Variants in DMD observed in about 807,000 individuals in gnomAD.
DMD encodes the protein mutant dystrophin.
A neutral mutation model predicts 330.1 loss-of-function variants in DMD; 63 were observed. The ratio of observed to expected loss-of-function variants is 0.19; its 90% CI spans 0.16 to 0.24. The LOEUF (loss-of-function observed/expected upper bound fraction) is 0.24, where lower values mean the gene tolerates loss of function less well. Ranked by LOEUF, DMD falls within the 10% of genes least tolerant of loss-of-function variation. The probability of loss-of-function intolerance (pLI) is 1.00; values close to 1 mark genes in which losing one functional copy is unlikely to be tolerated. For synonymous variants in DMD, 1,223 were observed against 959.8 expected, an observed-to-expected ratio of 1.27 and a Z score of -5.07; for missense variants, 3,344 against 2,684.1, an observed-to-expected ratio of 1.25 and a Z score of -5.43.
At chrX:32,167,172 A>C (rs777234615) in intron 44 of DMD, among the ~76,000 whole-genome samples, 1 of 112,434 alleles carries the variant, frequency 8.9e-6, no homozygotes, top group East Asian at 2.8e-4. Context: ...ATGTGGTTAC[A>C]TTTCATAGGT....
At chrX:32,512,581 A>G (rs1005777300) in intron 18 of DMD, among the ~76,000 whole-genome samples, 1 of 112,532 alleles carries the variant, frequency 8.9e-6, no homozygotes, top group African/African-American at 3.2e-5. Flanking sequence ...ATTTCTAGAA[A>G]CCAACAATGG....
At position 32,311,548 on chromosome X, in the gene DMD, A is replaced by G. The variant is rs903785077; in HGVS notation, c.5923-1272T>C. Among the ~76,000 whole-genome samples, 3 of 111,726 alleles carry G rather than the reference A, an allele frequency of 2.7e-5. No homozygotes were observed. In the Admixed American group the frequency reaches 2.9e-4, roughly 11 times the overall value. ...ATAGCAAATTCACAGAATTGCACAA[A>G]TTAGCTATTAAATAATTATACCTTT... On this transcript the variant is annotated intron_variant, in intron 41 of 78. Transcript: ENST00000357033.
At chrX:31,672,343 G>A (rs1408319579) in intron 53 of DMD, among the ~76,000 whole-genome samples, 12 of 112,188 alleles carry the variant, frequency 1.1e-4, no homozygotes, top group South Asian at 3.7e-4. Context: ...AGAATATTTC[G>A]TGTACAGTTG....
At chrX:31,271,153 T>G (rs748791658) in intron 62 of DMD, among the ~76,000 whole-genome samples, 1 of 111,433 alleles carries the variant, frequency 9.0e-6, no homozygotes, top group African/African-American at 3.3e-5. Context: ...ATTGGATGAG[T>G]AGCATTCTCC....
intron 1 of DMD, among the ~76,000 whole-genome samples, chrX:33,089,188 C>T (rs2095051908): frequency 9.3e-6 from 1 of 108,102 alleles, no homozygotes; most frequent in African/African-American, 3.4e-5. Context: ...GCCTCAGCCT[C>T]CCAAGTAGCT....
intron 1 of DMD, among the ~76,000 whole-genome samples, chrX:33,056,726 A>G (rs367719028): frequency 9.0e-6 from 1 of 111,616 alleles, no homozygotes; most frequent in East Asian, 2.8e-4. Context: ...AAACTCTGCT[A>G]CAGTATTCAG....
Position 31,393,497 on chromosome X carries a change from A to C in DMD, c.9085-44863T>G, listed in dbSNP as rs771950640. Among the ~76,000 whole-genome samples, 215 of 97,233 alleles carry C rather than the reference A, an allele frequency of 2.2e-3. 1 individual carries two copies. The highest frequency in any genetic ancestry group is 0.011 in the African/African-American group (196 of 18,451). The allele number at this position is 97,233 out of a possible 115,157, so 84.4% of individuals were successfully genotyped here. A position where few individuals can be genotyped will look rare whatever the true frequency, so the allele number is the denominator to read the frequency against. ...ATCTCAAAAAAAAAAAAAAACAAAA[A>C]AAAAAAACAAACCCAACTTTTTCTT... On this transcript the variant is annotated intron_variant, in intron 60 of 78. Transcript: ENST00000357033.
chrX:32,566,938 T>A (rs918662008), intron 15 of DMD, among the ~76,000 whole-genome samples: 1 of 109,807 alleles, frequency 9.1e-6, no homozygotes, highest in Non-Finnish European at 1.9e-5. Flanking sequence ...TAAATCGCGA[T>A]ACCTGTCTTT....
intron 2 of DMD, among the ~76,000 whole-genome samples, chrX:32,925,264 A>G (rs765766206): frequency 1.9e-5 from 2 of 103,475 alleles, no homozygotes; most frequent in African/African-American, 7.1e-5. Flanking sequence ...TGCTGGAATG[A>G]GTGTGACCAC....
intron 74 of DMD, among the ~76,000 whole-genome samples, chrX:31,154,335 G>A (rs764792827): frequency 9.2e-6 from 1 of 108,612 alleles, no homozygotes; most frequent in Non-Finnish European, 1.9e-5. Flanking sequence ...TCGCTCTGTC[G>A]CCCATGCTGG....
At chrX:31,890,630 T>C (rs756626017) in intron 47 of DMD, among the ~76,000 whole-genome samples, 2 of 111,357 alleles carry the variant, frequency 1.8e-5, no homozygotes, top group Non-Finnish European at 3.8e-5. Context: ...CCAATCTTCA[T>C]GATTTTTTGA....
intron 17 of DMD, among the ~76,000 whole-genome samples, chrX:32,530,735 A>G (rs1212864261): frequency 8.9e-6 from 1 of 112,056 alleles, no homozygotes; most frequent in East Asian, 2.8e-4. Flanking sequence ...ACAGATGCCT[A>G]AAGCCTATTT....
Position 32,687,121 on chromosome X carries a change from C to A in DMD, c.960+10749G>T, listed in dbSNP as rs889881855. 5.3e-5 allele frequency among the ~76,000 whole-genome samples: 6 copies of A among 112,183 alleles called. No homozygotes were observed. The East Asian group carries it at 1.7e-3, about 31-fold the overall frequency. ...AATTAAGTGGCCATTTCGGCTCCTACTCTGTGACACTTATGTGCAAGGACA... is the reference window on the plus strand; with the variant it reads ...AATTAAGTGGCCATTTCGGCTCCTAATCTGTGACACTTATGTGCAAGGACA... On this transcript the variant is annotated intron_variant, in intron 9 of 78. Transcript: ENST00000357033.
intron 29 of DMD, among the ~76,000 whole-genome samples, chrX:32,415,587 A>C (rs1429679128): frequency 1.8e-5 from 2 of 112,443 alleles, no homozygotes; most frequent in Non-Finnish European, 3.7e-5. Context: ...GAAAGTCTTC[A>C]ACCATAATCT....
intron 44 of DMD, among the ~76,000 whole-genome samples, chrX:32,129,704 A>C (rs2146894500): frequency 1.6e-5 from 1 of 61,673 alleles, no homozygotes; most frequent in African/African-American, 5.0e-5. Context: ...ATATATAGAT[A>C]TGGAGAGAGA....
chrX:33,164,928 CTTT>C (rs113049352), intron 1 of DMD, among the ~76,000 whole-genome samples: 36 of 88,097 alleles, frequency 4.1e-4, no homozygotes, highest in Admixed American at 5.1e-4. Context: ...TACTTTCTTT[CTTT>C]TTTTTTTTTT....
rs924127497 is a variant in DMD, at chrX:31,184,441, A to G, written c.9808-1537T>C. Among the ~76,000 whole-genome samples the G allele has an allele frequency of 8.0e-5, 8 of 100,496 alleles. No homozygotes were observed. In the South Asian group the frequency reaches 4.0e-3, roughly 50 times the overall value. 87.3% of individuals were successfully genotyped at this position (100,496 alleles called of 115,157 possible). ...ACCATCTCACACCAGTTAGAATGGCAATCATTAAAAAGTCAGGAAACAACA... is the reference window on the plus strand; with the variant it reads ...ACCATCTCACACCAGTTAGAATGGCGATCATTAAAAAGTCAGGAAACAACA... On this transcript the variant is annotated intron_variant, in intron 67 of 78. Transcript: ENST00000357033.
At chrX:31,619,606 G>A (rs1347782077) in intron 55 of DMD, among the ~76,000 whole-genome samples, 1 of 111,805 alleles carries the variant, frequency 8.9e-6, no homozygotes, top group Non-Finnish European at 1.9e-5. Flanking sequence ...GGTTATTGGA[G>A]GCTAACAAAA....
chrX:33,113,917 T>C (rs1353748932), intron 1 of DMD, among the ~76,000 whole-genome samples: 1 of 110,590 alleles, frequency 9.0e-6, no homozygotes, highest in Non-Finnish European at 1.9e-5. Flanking sequence ...AATTCGTCAA[T>C]AGTGATAAGT....
Sources: gnomAD v4.1 joint callset for allele counts (sites outside exome capture counted in the v4.1 genomes callset) on GRCh38, gnomAD v4.1.1 for gene constraint, MANE v1.5 for transcripts, NCBI Gene and HGNC (gene_info 2026-07-23, HGNC 2026-07-21) for gene names.